UBE4B: variants seen among roughly 807,000 people sequenced by gnomAD.
The protein encoded by UBE4B is ubiquitin conjugation factor E4 B.
Under a neutral mutation model 148.1 loss-of-function variants are expected in UBE4B, and 27 were observed. The ratio of observed to expected loss-of-function variants is 0.18; its 90% CI spans 0.13 to 0.25. UBE4B has a LOEUF of 0.25. UBE4B is among the 10% of genes least tolerant of loss of function. The pLI is 1.00. For missense variants in UBE4B, 1,170 were observed against 1,662.4 expected (o/e 0.70, Z 5.15); for synonymous variants, 596 against 619.3 (o/e 0.96, Z 0.56).
intron 10 of UBE4B, among the ~76,000 whole-genome samples, chr1:10,123,919 G>A (rs546583326): frequency 2.6e-5 from 4 of 151,846 alleles, no homozygotes; most frequent in South Asian, 4.2e-4. Context: ...GATTACAGGC[G>A]CCTGCCACCA....
chr1:10,044,823 T>G (rs1324144578), intron 1 of UBE4B, among the ~76,000 whole-genome samples: 6 of 152,102 alleles, frequency 3.9e-5, no homozygotes, highest in Non-Finnish European at 2.9e-5. Context: ...GCTCAAGCAG[T>G]CCACCCACCT....
intron 1 of UBE4B, among the ~76,000 whole-genome samples, chr1:10,048,427 C>A (rs1318790093): frequency 2.6e-5 from 4 of 152,062 alleles, no homozygotes; most frequent in African/African-American, 9.7e-5. Context: ...TATTTAAAAT[C>A]ATGAGAATGG....
intron 7 of UBE4B, among the ~76,000 whole-genome samples, chr1:10,112,284 A>G (rs756059766): frequency 5.9e-5 from 9 of 152,270 alleles, no homozygotes; most frequent in Non-Finnish European, 4.4e-5. Flanking sequence ...TAGGACTTCA[A>G]TATGACATAT....
chr1:10,050,347 CAGGTGTG>C (rs964984258), intron 1 of UBE4B, among the ~76,000 whole-genome samples: 4 of 151,988 alleles, frequency 2.6e-5, no homozygotes, highest in Non-Finnish European at 4.4e-5. Context: ...GTTGGGATTA[CAGGTGTG>C]AGCCAGTGTG....
chr1:10,035,495 C>G (rs1643481610), intron 1 of UBE4B, among the ~76,000 whole-genome samples: 1 of 134,166 alleles, frequency 7.5e-6, no homozygotes, highest in Non-Finnish European at 1.5e-5. Context: ...CTCCCGGGTT[C>G]ACGCCATTCT....
chr1:10,035,653 G>A (rs1278018582), intron 1 of UBE4B, among the ~76,000 whole-genome samples: 1 of 150,238 alleles, frequency 6.7e-6, no homozygotes, highest in Non-Finnish European at 1.5e-5. Flanking sequence ...TGATCTGCCC[G>A]CCTCGGCCTC....
Position 10,119,567 on chromosome 1 carries a change from A to G in UBE4B, c.1393A>G (p.Ile465Val). 6.2e-7 allele frequency: 1 copy of G among 1,613,682 alleles called. No homozygotes were observed. Among genetic ancestry groups the G allele is most frequent in the Non-Finnish European group, 8.5e-7 (1 of 1,179,688 alleles). ...TCTGAGCAACATCCGCTCACAGTGC[A>G]TATCCCATACTGCTTTAGTACTACA... ...QLLSNIRSQC[I>V]SHTALVLQGS... is the part of the protein sequence containing the mutation. Residue 465 changes from isoleucine (I) to valine (V), a missense_variant, in exon 9 of 28, where the codon ATA becomes GTA. Physicochemically the swap from Ile to Val is conservative, Grantham distance 29. Around this residue, in one of 6 missense-constraint regions of UBE4B, gnomAD observed 388 missense variants for 536.0 expected, o/e 0.72. Transcript: ENST00000343090.
intron 1 of UBE4B, among the ~76,000 whole-genome samples, chr1:10,070,022 C>T (rs1178434951): frequency 2.0e-5 from 3 of 152,004 alleles, no homozygotes; most frequent in Admixed American, 2.0e-4. Flanking sequence ...CACTTGTAAT[C>T]CCAGCACTTT....
At chr1:10,101,035 T>C in intron 3 of UBE4B, 73 bp from the exon 4 acceptor site, 1 of 1,314,276 alleles carries the variant, frequency 7.6e-7, no homozygotes, top group African/African-American at 1.5e-5. Flanking sequence ...AAACATTTTC[T>C]CACCCAGCAG....
intron 24 of UBE4B, among the ~76,000 whole-genome samples, chr1:10,169,099 A>G (rs555729299): frequency 2.8e-4 from 42 of 152,132 alleles, no homozygotes; most frequent in Non-Finnish European, 5.0e-4. Flanking sequence ...GTTCTCAACT[A>G]GTAAGACCTG....
At chr1:10,102,090 C>G (rs540024504) in intron 4 of UBE4B, among the ~76,000 whole-genome samples, 3 of 151,512 alleles carry the variant, frequency 2.0e-5, no homozygotes, top group South Asian at 4.2e-4. Flanking sequence ...GGAAGTTGCA[C>G]TGTAAACAAA....
chr1:10,057,986 G>A (rs1644208338), intron 1 of UBE4B, among the ~76,000 whole-genome samples: 1 of 152,078 alleles, frequency 6.6e-6, no homozygotes, highest in Non-Finnish European at 1.5e-5. Flanking sequence ...ACCTTCTCAG[G>A]TCATGTCCAC....
At chr1:10,158,709 C>G (rs1042840305) in intron 22 of UBE4B, among the ~76,000 whole-genome samples, 1 of 152,116 alleles carries the variant, frequency 6.6e-6, no homozygotes, top group African/African-American at 2.4e-5. Context: ...GGGTGGTACA[C>G]AAGCGAAGAT....
chr1:10,038,749 G>T (rs999984008), intron 1 of UBE4B, among the ~76,000 whole-genome samples: 8 of 152,112 alleles, frequency 5.3e-5, no homozygotes, highest in African/African-American at 1.9e-4. Context: ...CAGGGCTTTT[G>T]GTACTGGTCC....
intron 1 of UBE4B, among the ~76,000 whole-genome samples, chr1:10,035,032 T>C (rs182385943): frequency 6.6e-6 from 1 of 152,312 alleles, no homozygotes; most frequent in East Asian, 1.9e-4. Context: ...GGAGTCTTGC[T>C]CTGTCGCCCA....
chr1:10,129,566 AG>A lies in UBE4B; in HGVS notation c.1695+120del, dbSNP rs1452361016. ...TTGAAGGACATTTAGGTGTAGGCGG[AG>A]GTAACGTGTCTGGGAGGCTCTCAAC... is the stretch of plus-strand genomic sequence containing the variant. On this transcript the variant is annotated intron_variant, in intron 12 of 27. Transcript: ENST00000343090. 9 of 953,362 alleles carry A rather than the reference AG, an allele frequency of 9.4e-6. No individual in the cohort carries two copies. In the East Asian group the frequency reaches 2.3e-4, roughly 24 times the overall value. The allele number at this position is 953,362 out of a possible 1,614,324, so 59.1% of individuals were successfully genotyped here.
chr1:10,134,913 C>T, intron 15 of UBE4B, 75 bp from the exon 16 acceptor site: 1 of 1,304,168 alleles, frequency 7.7e-7, no homozygotes, highest in Non-Finnish European at 1.1e-6. Flanking sequence ...CCAGCCTGGG[C>T]AACAGAGTGA....
At chr1:10,044,193 A>G (rs1223803990) in intron 1 of UBE4B, among the ~76,000 whole-genome samples, 1 of 152,068 alleles carries the variant, frequency 6.6e-6, no homozygotes, top group Non-Finnish European at 1.5e-5. Flanking sequence ...TTATAGGTGT[A>G]TAGGTGCGTG....
At chr1:10,091,794 AG>A (rs1384236107) in intron 2 of UBE4B, among the ~76,000 whole-genome samples, 2 of 152,124 alleles carry the variant, frequency 1.3e-5, no homozygotes, top group Non-Finnish European at 2.9e-5. Context: ...TAGTAGAAAC[AG>A]GGTTTCACTA....
Sources: gnomAD v4.1 joint callset for allele counts (sites outside exome capture counted in the v4.1 genomes callset) on GRCh38, gnomAD v4.1.1 for gene constraint, gnomAD v4.1.1 regional missense constraint, MANE v1.5 for transcripts, NCBI Gene and HGNC (gene_info 2026-07-23, HGNC 2026-07-21) for gene names.